Variants in APBB2 observed in about 807,000 individuals in gnomAD.
APBB2 encodes Fe65-like 1.
APBB2 carries 38 observed loss-of-function variants against 82.5 expected under a neutral mutation model. That is an observed-to-expected ratio of 0.46 (90% CI 0.36 to 0.60). The LOEUF is 0.60. APBB2 is among the 20% of genes least tolerant of loss of function. The pLI is 0.00. For synonymous variants in APBB2, 341 were observed against 368.2 expected, an observed-to-expected ratio of 0.93 and a Z score of 0.85; for missense variants, 772 against 972.3, an observed-to-expected ratio of 0.79 and a Z score of 2.74.
chr4:41,176,760 T>C (rs913733637), intron 1 of APBB2, among the ~76,000 whole-genome samples: 4 of 151,900 alleles, frequency 2.6e-5, no homozygotes, highest in African/African-American at 9.7e-5. Flanking sequence ...TGAGGGAAAA[T>C]AACACAAGAC....
intron 3 of APBB2, among the ~76,000 whole-genome samples, chr4:41,068,227 C>A (rs992177259): frequency 6.6e-6 from 1 of 152,044 alleles, no homozygotes; most frequent in Non-Finnish European, 1.5e-5. Context: ...AAATTAGGCA[C>A]AGTAAGAGAT....
intron 1 of APBB2, among the ~76,000 whole-genome samples, chr4:41,154,253 A>G (rs999520757): frequency 6.6e-6 from 1 of 152,236 alleles, no homozygotes; most frequent in African/African-American, 2.4e-5. Flanking sequence ...GGCTTCTAAT[A>G]GGAAAAATGA....
At chr4:41,064,305 C>A (rs995226433) in intron 4 of APBB2, among the ~76,000 whole-genome samples, 4 of 152,020 alleles carry the variant, frequency 2.6e-5, no homozygotes, top group African/African-American at 9.7e-5. Flanking sequence ...CAGACTTGAG[C>A]CACTGCTGGG....
At chr4:41,210,445 C>T (rs889998324) in intron 1 of APBB2, among the ~76,000 whole-genome samples, 1 of 152,218 alleles carries the variant, frequency 6.6e-6, no homozygotes, top group African/African-American at 2.4e-5. Flanking sequence ...AGTCTTTCCT[C>T]CAAATCCCCC....
chr4:41,003,904 G>A (rs555720555), intron 6 of APBB2, among the ~76,000 whole-genome samples: 63 of 152,220 alleles, frequency 4.1e-4, no homozygotes, highest in Admixed American at 1.3e-3. Flanking sequence ...GTAGAGACAG[G>A]GTTTCACCAT....
chr4:40,938,933 T>G (rs1415309773), intron 7 of APBB2, among the ~76,000 whole-genome samples: 1 of 152,122 alleles, frequency 6.6e-6, no homozygotes, highest in Non-Finnish European at 1.5e-5. Flanking sequence ...ATGAGTGGAT[T>G]AATTCACCCA....
At chr4:41,095,303 C>T (rs986023811) in intron 3 of APBB2, among the ~76,000 whole-genome samples, 7 of 152,222 alleles carry the variant, frequency 4.6e-5, no homozygotes, top group African/African-American at 1.4e-4. Context: ...TCCCAGCACA[C>T]TCTCAGGGCT....
intron 6 of APBB2, among the ~76,000 whole-genome samples, chr4:41,001,884 AAAAAAAGAAAAAG>A: frequency 6.6e-6 from 1 of 152,092 alleles, no homozygotes; most frequent in African/African-American, 2.4e-5. Context: ...CCTCAAAAAA[AAAAAAAGAAAAAG>A]AAAAAGAAAA....
chr4:40,950,504 G>A (rs1246841735), intron 6 of APBB2, among the ~76,000 whole-genome samples: 2 of 152,188 alleles, frequency 1.3e-5, no homozygotes, highest in Admixed American at 6.5e-5. Flanking sequence ...TTGAGTCTAG[G>A]AGTTTAAGAC....
intron 4 of APBB2, among the ~76,000 whole-genome samples, chr4:41,060,617 T>C (rs1729468540): frequency 6.6e-6 from 1 of 152,090 alleles, no homozygotes; most frequent in African/African-American, 2.4e-5. Context: ...ATTATATACA[T>C]GTGCCAAAAT....
At chr4:41,014,572 G>A in intron 5 of APBB2, 174 bp from the exon 6 acceptor site, 1 of 685,018 alleles carries the variant, frequency 1.5e-6, no homozygotes, top group Non-Finnish European at 2.4e-6. Flanking sequence ...ATATTAAACA[G>A]GAGCAAATAA....
At chr4:41,201,592 G>A (rs1479801198) in intron 1 of APBB2, among the ~76,000 whole-genome samples, 1 of 152,148 alleles carries the variant, frequency 6.6e-6, no homozygotes, top group Non-Finnish European at 1.5e-5. Context: ...ACGTGGCTCA[G>A]GGAGAAAAAG....
intron 6 of APBB2, among the ~76,000 whole-genome samples, chr4:40,964,776 A>ACACACACACACACACACACACAC (rs1553884405): frequency 1.3e-5 from 2 of 150,490 alleles, no homozygotes; most frequent in African/African-American, 4.9e-5. Flanking sequence ...ACACACACAC[A>ACACACACACACACACACACACAC]ACAATGCACA....
At chr4:41,100,400 G>T (rs1359805530) in intron 3 of APBB2, among the ~76,000 whole-genome samples, 1 of 151,500 alleles carries the variant, frequency 6.6e-6, no homozygotes, top group East Asian at 1.9e-4. Context: ...CAACCTTGAG[G>T]ACTCAGTTTA....
At chr4:41,101,395 C>T (rs1230147619) in intron 2 of APBB2, among the ~76,000 whole-genome samples, 5 of 130,470 alleles carry the variant, frequency 3.8e-5, no homozygotes, top group Admixed American at 9.0e-5. Flanking sequence ...ACCCGGGAAG[C>T]GGAGCTTGCA....
chr4:40,890,576 T>C, intron 11 of APBB2, 85 bp from the exon 12 acceptor site: 1 of 1,552,052 alleles, frequency 6.4e-7, no homozygotes, highest in Non-Finnish European at 8.7e-7. Context: ...GAATGCCGTG[T>C]CAACCATCAG....
intron 17 of APBB2, among the ~76,000 whole-genome samples, chr4:40,817,082 A>AT (rs562248710): frequency 1.7e-4 from 25 of 149,720 alleles, no homozygotes; most frequent in African/African-American, 2.2e-4. Flanking sequence ...AATTTATCAA[A>AT]TTTTTTTTTT....
chr4:40,865,077 C>T lies in APBB2; in HGVS notation c.1529+25287G>A, dbSNP rs572018336. 5.3e-5 allele frequency among the ~76,000 whole-genome samples: 8 copies of T among 152,120 alleles called. No individual in the cohort carries two copies. The South Asian group carries it at 6.2e-4, about 12-fold the overall frequency. On this transcript the variant is annotated intron_variant, in intron 12 of 17. Transcript: ENST00000508593. ...TTTACCATGTTGGTCAGGCTGGTCT[C>T]GAACTCCTAACCTCAAGTGATCCAT... is the stretch of plus-strand genomic sequence containing the variant.
chr4:41,049,477 G>A (rs1178624260), intron 4 of APBB2, among the ~76,000 whole-genome samples: 8 of 143,520 alleles, frequency 5.6e-5, no homozygotes, highest in Admixed American at 2.0e-4. Flanking sequence ...GGCAGCCCCC[G>A]CCCGGCCAGC....
Sources: gnomAD v4.1 joint callset for allele counts (sites outside exome capture counted in the v4.1 genomes callset) on GRCh38, gnomAD v4.1.1 for gene constraint, MANE v1.5 for transcripts, NCBI Gene and HGNC (gene_info 2026-07-23, HGNC 2026-07-21) for gene names.